Variants in RREB1 observed in about 807,000 individuals in gnomAD.
RREB1 encodes the protein ras-responsive element-binding protein 1.
A neutral mutation model predicts 117.8 loss-of-function variants in RREB1; 27 were observed. The observed-to-expected ratio is 0.23, with a 90% CI of 0.17 to 0.32. RREB1 has a LOEUF of 0.32. RREB1 is among the 10% of genes least tolerant of loss of function. RREB1 has a pLI of 1.00. For missense variants in RREB1, 2,577 were observed against 2,378.2 expected (o/e 1.08, Z -1.74); for synonymous variants, 1,298 against 1,026.7 (o/e 1.26, Z -5.05).
At chr6:7,123,382 G>A (rs1761764195) in intron 1 of RREB1, among the ~76,000 whole-genome samples, 1 of 151,698 alleles carries the variant, frequency 6.6e-6, no homozygotes, top group Admixed American at 6.6e-5. Context: ...GGCTGGTCTC[G>A]AACTCCTGAG....
rs754044532 is a variant in RREB1, at chr6:7,120,813, ATTTTTTT to A, written c.-285+12771_-285+12777del. 5.6e-3 allele frequency among the ~76,000 whole-genome samples: 614 copies of A among 109,650 alleles called. 6 individuals carry two copies. The highest frequency in any genetic ancestry group is 0.021 in the African/African-American group (561 of 27,288). The allele number at this position is 109,650 out of a possible 152,430, so 71.9% of individuals were successfully genotyped here. Reference sequence around the variant, plus strand: ...AGGTGTGCGCCACCACGCTTGGCTAATTTTTTTTTTTTTTTTTTTTTTTTGAGACAGA... The same window carrying A: ...AGGTGTGCGCCACCACGCTTGGCTAATTTTTTTTTTTTTTTTTGAGACAGA... On this transcript the variant is annotated intron_variant, in intron 1 of 12. Coordinates refer to ENST00000379938, the MANE Select transcript of RREB1 (RefSeq NM_001003699.4).
At chr6:7,140,674 TA>T (rs1479740272) in intron 1 of RREB1, 2 of 152,262 alleles carry the variant, frequency 1.3e-5, no homozygotes, top group African/African-American at 4.8e-5. Flanking sequence ...CCTCGCCTTT[TA>T]CTCCTTAGCT....
In RREB1 at chr6:7,228,997, G is replaced by T; in HGVS notation, c.898G>T (p.Ala300Ser). Reference sequence around the variant, plus strand: ...GCTTTTACCGGTGGGTTCTATATAGGCCTGGTGCGAAACAAACCTGCGGAG... The same window carrying T: ...GCTTTTACCGGTGGGTTCTATATAGTCCTGGTGCGAAACAAACCTGCGGAG... ...SCRKFPRISQ[A>S]WCETNLRRCI... The change falls in exon 10 of 13, where the codon GCC (alanine) becomes TCC (serine). Residue 300 changes from alanine to serine, a missense_variant and splice_region_variant. Coordinates refer to ENST00000379938, the MANE Select transcript of RREB1 (RefSeq NM_001003699.4). 1 of 1,518,768 alleles carries T rather than the reference G, an allele frequency of 6.6e-7. No individual in the cohort carries two copies. The allele number at this position is 1,518,768 out of a possible 1,614,324, so 94.1% of individuals were successfully genotyped here.
At chr6:7,191,293 G>T (rs1329416567) in intron 6 of RREB1, among the ~76,000 whole-genome samples, 1 of 151,838 alleles carries the variant, frequency 6.6e-6, no homozygotes, top group Non-Finnish European at 1.5e-5. Context: ...GCACTTCAGT[G>T]GGCTTCAGGT....
intron 1 of RREB1, among the ~76,000 whole-genome samples, chr6:7,138,164 T>G (rs1762423010): frequency 6.6e-6 from 1 of 152,246 alleles, no homozygotes; most frequent in Admixed American, 6.5e-5. Context: ...GGACAGGCAC[T>G]TTTCCAGTTT....
At chr6:7,179,827 C>G (rs556368163) in intron 2 of RREB1, among the ~76,000 whole-genome samples, 35 of 149,080 alleles carry the variant, frequency 2.3e-4, no homozygotes, top group African/African-American at 8.2e-4. Context: ...TTTAAAAAAT[C>G]TTTTGTAGAG....
intron 1 of RREB1, among the ~76,000 whole-genome samples, chr6:7,110,897 A>G (rs563764719): frequency 5.6e-4 from 86 of 152,250 alleles, no homozygotes; most frequent in African/African-American, 2.0e-3. Context: ...TTTATTTCTC[A>G]TCAGAAAATC....
intron 10 of RREB1, 124 bp downstream of exon 10, chr6:7,232,031 CGG>C (rs1768019044): frequency 9.9e-7 from 1 of 1,014,878 alleles, no homozygotes; most frequent in East Asian, 2.6e-5. Flanking sequence ...GCTTCTTCCC[CGG>C]TCTCCGAAGC....
intron 1 of RREB1, among the ~76,000 whole-genome samples, chr6:7,168,721 A>G (rs570429352): frequency 3.7e-4 from 57 of 152,164 alleles, no homozygotes; most frequent in Non-Finnish European, 6.6e-4. Context: ...CCATTCTGTT[A>G]GCCATTTCCA....
intron 3 of RREB1, 166 bp downstream of exon 3, chr6:7,181,412 A>T: frequency 2.5e-6 from 1 of 401,722 alleles, no homozygotes; most frequent in Non-Finnish European, 4.4e-6. Context: ...GCTCCCCATC[A>T]GAATCACTGT....
intron 8 of RREB1, among the ~76,000 whole-genome samples, chr6:7,223,537 G>T (rs1401678817): frequency 1.1e-5 from 1 of 89,050 alleles, no homozygotes; most frequent in East Asian, 2.7e-4. Context: ...CTCCAGCCTG[G>T]GCAACAAAAC....
intron 1 of RREB1, among the ~76,000 whole-genome samples, chr6:7,135,753 G>A (rs927928949): frequency 2.6e-5 from 4 of 152,178 alleles, no homozygotes; most frequent in African/African-American, 4.8e-5. Flanking sequence ...CATTTAACAT[G>A]ATCTTTATTT....
chr6:7,220,829 TGAG>T (rs1341911140), intron 8 of RREB1, among the ~76,000 whole-genome samples: 1 of 152,192 alleles, frequency 6.6e-6, no homozygotes, highest in Non-Finnish European at 1.5e-5. Context: ...ACAGACGGGT[TGAG>T]GAGAGAGTCG....
chr6:7,245,221 C>G (rs1044850841), intron 11 of RREB1, among the ~76,000 whole-genome samples: 2 of 151,984 alleles, frequency 1.3e-5, no homozygotes, highest in African/African-American at 4.8e-5. Flanking sequence ...CATGATGAAA[C>G]CCCATCTCTA....
Position 7,230,401 on chromosome 6 carries a change from CTGCGCATCCACA to C in RREB1, c.2309_2320del (p.Ile770_Arg773del), listed in dbSNP as rs1200961379. On this transcript the variant is annotated inframe_deletion, in exon 10 of 13. Coordinates refer to ENST00000379938, the MANE Select transcript of RREB1 (RefSeq NM_001003699.4). Reference sequence around the variant, plus strand: ...CGAGGACCTCAAGCACTATCGTGCCCTGCGCATCCACATGCGCACGCACTGCGGCCGCGGCCT... The same window carrying C: ...CGAGGACCTCAAGCACTATCGTGCCCTGCGCACGCACTGCGGCCGCGGCCT... 2.1e-5 allele frequency: 33 copies of C among 1,591,948 alleles called. No individual in the cohort carries two copies. Among genetic ancestry groups the C allele is most frequent in the Non-Finnish European group, 2.6e-5 (31 of 1,174,382 alleles).
chr6:7,229,614 C>A lies in RREB1; in HGVS notation c.1515C>A (p.Pro505=), dbSNP rs1767792644. 3 of 1,612,698 alleles carry A rather than the reference C, an allele frequency of 1.9e-6. No homozygotes were observed. Among genetic ancestry groups the A allele is most frequent in the Non-Finnish European group, 2.5e-6 (3 of 1,179,346 alleles). ...APLQAIFKHM[P]PLKPKPLVTP... is the part of the protein sequence containing the mutation. ...TGCAGGCGATCTTCAAGCACATGCC[C>A]CCTCTGAAGCCAAAGCCCCTGGTCA... The change falls in exon 10 of 13, where the codon CCC becomes CCA. Residue 505 remains proline, a synonymous_variant. Coordinates refer to ENST00000379938, the MANE Select transcript of RREB1 (RefSeq NM_001003699.4). The surrounding 1 kb of genome is among the most constrained non-coding windows in gnomAD (Gnocchi z 4.5).
chr6:7,188,590 T>C (rs1333841288), intron 5 of RREB1, among the ~76,000 whole-genome samples: 1 of 152,104 alleles, frequency 6.6e-6, no homozygotes, highest in African/African-American at 2.4e-5. Context: ...TATTGATGAG[T>C]GTAGAACAGT....
intron 6 of RREB1, among the ~76,000 whole-genome samples, chr6:7,197,134 G>C (rs561803765): frequency 6.6e-6 from 1 of 152,216 alleles, no homozygotes; most frequent in African/African-American, 2.4e-5. Flanking sequence ...CTGCAAAGCT[G>C]TGAAGAAATG....
chr6:7,234,394 T>TC lies in RREB1; in HGVS notation c.3808+2491dup, dbSNP rs1043341636. Among the ~76,000 whole-genome samples the TC allele has an allele frequency of 5.7e-4, 86 of 151,990 alleles. 1 individual carries two copies. The highest frequency in any genetic ancestry group is 1.9e-3 in the African/African-American group (80 of 41,376). ...CACCTCCCCCTGCTGTCACCCAACC[T>TC]CCCCATCTTCCTCTTCTAGTATTTT... On this transcript the variant is annotated intron_variant, in intron 10 of 12. Transcript: ENST00000379938.
Sources: allele counts gnomAD v4.1 joint callset (sites outside exome capture counted in the v4.1 genomes callset), GRCh38; gene constraint gnomAD v4.1.1; non-coding constraint Gnocchi (gnomAD v3.1); transcripts MANE v1.5; gene names NCBI Gene and HGNC (gene_info 2026-07-23, HGNC 2026-07-21).